Variants in ADAM23 observed in about 807,000 individuals in gnomAD.
ADAM23 encodes the protein disintegrin and metalloproteinase domain-containing protein 23.
Under a neutral mutation model 120.1 loss-of-function variants are expected in ADAM23, and 33 were observed. The observed-to-expected ratio is 0.27, with a 90% confidence interval of 0.21 to 0.37. ADAM23 has a LOEUF of 0.37. ADAM23 is among the 10% of genes least tolerant of loss of function. ADAM23 has a pLI of 1.00. For synonymous variants in ADAM23, 367 were observed against 375.2 expected, an observed-to-expected ratio of 0.98 and a Z score of 0.25; for missense variants, 862 against 1,058.2, an observed-to-expected ratio of 0.81 and a Z score of 2.57.
intron 3 of ADAM23, among the ~76,000 whole-genome samples, chr2:206,507,806 C>G (rs549442141): frequency 1.1e-4 from 16 of 152,248 alleles, no homozygotes; most frequent in African/African-American, 3.4e-4. Context: ...TTATAGGTGT[C>G]TTTAAGCTTT....
chr2:206,471,831 A>G (rs1339294983), intron 2 of ADAM23, among the ~76,000 whole-genome samples: 1 of 152,154 alleles, frequency 6.6e-6, no homozygotes, highest in East Asian at 1.9e-4. Context: ...GCAGTTACCA[A>G]GAAGCTTCCA....
chr2:206,466,189 G>T (rs531935259), intron 2 of ADAM23, among the ~76,000 whole-genome samples: 1 of 152,206 alleles, frequency 6.6e-6, no homozygotes, highest in African/African-American at 2.4e-5. Context: ...ACATTATGTT[G>T]TTTCTTAGGA....
chr2:206,519,970 T>C (rs1379991243), intron 3 of ADAM23, among the ~76,000 whole-genome samples: 2 of 152,040 alleles, frequency 1.3e-5, no homozygotes, highest in African/African-American at 4.8e-5. Flanking sequence ...GGTCGTGATA[T>C]TTCTACCACC....
intron 13 of ADAM23, among the ~76,000 whole-genome samples, chr2:206,564,268 TGAA>T (rs781433249): frequency 2.2e-4 from 34 of 152,082 alleles, no homozygotes; most frequent in African/African-American, 3.4e-4. Flanking sequence ...AAAAAATTAA[TGAA>T]GAGAAGAGCC....
intron 8 of ADAM23, among the ~76,000 whole-genome samples, chr2:206,548,912 A>G (rs1246470444): frequency 6.6e-6 from 1 of 152,186 alleles, no homozygotes; most frequent in East Asian, 1.9e-4. Flanking sequence ...TAATTGTATA[A>G]TCAACTACTG....
intron 3 of ADAM23, among the ~76,000 whole-genome samples, chr2:206,526,460 CT>C (rs1300365164): frequency 6.6e-6 from 1 of 152,178 alleles, no homozygotes; most frequent in African/African-American, 2.4e-5. Context: ...AGTTGAGTAG[CT>C]CTTTTAGACA....
intron 13 of ADAM23, among the ~76,000 whole-genome samples, chr2:206,563,436 A>C (rs927406300): frequency 2.6e-5 from 4 of 152,182 alleles, no homozygotes; most frequent in Non-Finnish European, 5.9e-5. Context: ...GTCTGGTGGC[A>C]TTTCACAAAC....
At position 206,443,818 on chromosome 2, in the gene ADAM23, C is replaced by G. The variant is rs1695011905; in HGVS notation, c.-49C>G. ...CCGCCCGCGGCCGCCCCGCAGCTAG[C>G]CCGGCGCTCTCGCCGGCCACACGGA... is the stretch of plus-strand genomic sequence containing the variant. On this transcript the variant is annotated 5_prime_UTR_variant, in exon 1 of 26. Coordinates refer to ENST00000264377, the MANE Select transcript of ADAM23 (RefSeq NM_003812.4). The G allele has an allele frequency of 9.8e-7, 1 of 1,020,528 alleles. No individual in the cohort carries two copies. Among genetic ancestry groups the G allele is most frequent in the Non-Finnish European group, 1.2e-6 (1 of 846,860 alleles). The allele number at this position is 1,020,528 out of a possible 1,614,324, so 63.2% of individuals were successfully genotyped here. A position where few individuals can be genotyped will look rare whatever the true frequency, so the allele number is the denominator to read the frequency against.
intron 24 of ADAM23, among the ~76,000 whole-genome samples, chr2:206,603,182 G>A (rs1405246708): frequency 1.3e-5 from 2 of 150,534 alleles, no homozygotes; most frequent in Non-Finnish European, 3.0e-5. Flanking sequence ...AATTAGTGTA[G>A]AAGTAGAATT....
intron 10 of ADAM23, among the ~76,000 whole-genome samples, 179 bp from the exon 11 acceptor site, chr2:206,559,776 C>A (rs953783785): frequency 6.6e-6 from 1 of 152,108 alleles, no homozygotes; most frequent in African/African-American, 2.4e-5. Flanking sequence ...TGTGATTGTT[C>A]TTTCTTTATT....
rs183795468 is a variant in ADAM23 at position 206,568,295 on chromosome 2, G to A, written c.1494+973G>A. On this transcript the variant is annotated intron_variant, in intron 15 of 25. Coordinates refer to ENST00000264377, the MANE Select transcript of ADAM23 (RefSeq NM_003812.4). ...GTCAATTGGCATCTCGTCAAACTTT[G>A]TGTATATAGTGTCACAATCCCTTAT... Among the ~76,000 whole-genome samples the A allele has an allele frequency of 6.7e-3, 1,014 of 152,206 alleles. 7 individuals carry two copies. The highest frequency in any genetic ancestry group is 0.01 in the Non-Finnish European group (681 of 68,012).
chr2:206,573,537 G>A (rs960991043), intron 18 of ADAM23, among the ~76,000 whole-genome samples: 2 of 151,946 alleles, frequency 1.3e-5, no homozygotes, highest in African/African-American at 4.8e-5. Flanking sequence ...TGGTTGTTTG[G>A]CATCACCATC....
intron 9 of ADAM23, among the ~76,000 whole-genome samples, chr2:206,555,277 T>A (rs1189705268): frequency 6.6e-6 from 1 of 152,174 alleles, no homozygotes; most frequent in Non-Finnish European, 1.5e-5. Context: ...CTAGTCTCTC[T>A]TATTATTTTA....
At chr2:206,522,115 ATATG>A (rs761463921) in intron 3 of ADAM23, among the ~76,000 whole-genome samples, 4 of 151,916 alleles carry the variant, frequency 2.6e-5, no homozygotes, top group Non-Finnish European at 5.9e-5. Context: ...TAGGTTATAT[ATATG>A]TATGTAAATA....
At chr2:206,549,760 G>A (rs1190116160) in intron 8 of ADAM23, among the ~76,000 whole-genome samples, 2 of 151,996 alleles carry the variant, frequency 1.3e-5, no homozygotes, top group Admixed American at 6.5e-5. Flanking sequence ...ATGTGAAATT[G>A]AGATTTATTT....
chr2:206,574,422 G>C (rs1347889078), intron 18 of ADAM23, among the ~76,000 whole-genome samples: 2 of 149,160 alleles, frequency 1.3e-5, no homozygotes, highest in East Asian at 3.9e-4. Flanking sequence ...TTTTTGGCAG[G>C]AGGGGCCTAA....
chr2:206,564,965 G>A, intron 13 of ADAM23, 55 bp from the exon 14 acceptor site: 1 of 1,591,414 alleles, frequency 6.3e-7, no homozygotes, highest in Non-Finnish European at 8.6e-7. Context: ...AAAAAAATAT[G>A]TGACTTTCTT....
chr2:206,547,803 T>C (rs1344127126), intron 7 of ADAM23, among the ~76,000 whole-genome samples: 1 of 152,240 alleles, frequency 6.6e-6, no homozygotes, highest in Non-Finnish European at 1.5e-5. Flanking sequence ...AGTTTGCTGC[T>C]CTTGAGCCAG....
At position 206,481,228 on chromosome 2, in the gene ADAM23, A is replaced by G. The variant is rs747925680; in HGVS notation, c.433-4A>G. 9 of 1,608,340 alleles carry G rather than the reference A, an allele frequency of 5.6e-6. No individual in the cohort carries two copies. Among genetic ancestry groups the G allele is most frequent in the African/African-American group, 5.4e-5 (4 of 74,580 alleles). On this transcript the variant is annotated splice_polypyrimidine_tract_variant and splice_region_variant and intron_variant, in intron 2 of 25. Transcript: ENST00000264377. ...AAGGTTCTTCTGTCTTTTTGAATCCATAGGCTGTCCATCTGGCCCAGGCAA... is the reference window on the plus strand; with the variant it reads ...AAGGTTCTTCTGTCTTTTTGAATCCGTAGGCTGTCCATCTGGCCCAGGCAA...
Sources: gnomAD v4.1 joint callset for allele counts (sites outside exome capture counted in the v4.1 genomes callset) on GRCh38, gnomAD v4.1.1 for gene constraint, MANE v1.5 for transcripts, NCBI Gene and HGNC (gene_info 2026-07-23, HGNC 2026-07-21) for gene names.